CLIP1: variants seen among roughly 807,000 people sequenced by gnomAD.
CLIP1 encodes the protein CAP-Gly domain containing linker protein 1, also known as CAP-Gly domain-containing linker protein 1.
Under a neutral mutation model 161.6 loss-of-function variants are expected in CLIP1, and 66 were observed. The observed-to-expected ratio is 0.41, with a 90% confidence interval of 0.33 to 0.50. The LOEUF (loss-of-function observed/expected upper bound fraction) is 0.50. Ranked by LOEUF, CLIP1 falls within the 20% of genes least tolerant of loss-of-function variation. The pLI, the probability that CLIP1 is intolerant of heterozygous loss-of-function variation, is 0.27. For synonymous variants in CLIP1, 598 were observed against 626.2 expected, an observed-to-expected ratio of 0.96 and a Z score of 0.67; for missense variants, 1,376 against 1,702.0, an observed-to-expected ratio of 0.81 and a Z score of 3.37.
chr12:122,399,841 C>T (rs1243411420), intron 1 of CLIP1: 4 of 152,112 alleles, frequency 2.6e-5, no homozygotes, highest in Non-Finnish European at 5.9e-5. Context: ...TGCTGTATGT[C>T]CATGAACTTA....
chr12:122,404,161 C>A (rs927784424), intron 1 of CLIP1, among the ~76,000 whole-genome samples: 3 of 152,156 alleles, frequency 2.0e-5, no homozygotes, highest in African/African-American at 7.2e-5. Flanking sequence ...TGTGTGACGC[C>A]ACCAAACACA....
Position 122,321,402 on chromosome 12 carries a change from C to T in CLIP1, c.3250-2054G>A, listed in dbSNP as rs147232696. Reference sequence around the variant, plus strand: ...CTGGGATTATAAGCGCACGCCACCACGCCTGGCGAATTTTTGTATTTTTAG... The same window carrying T: ...CTGGGATTATAAGCGCACGCCACCATGCCTGGCGAATTTTTGTATTTTTAG... On this transcript the variant is annotated intron_variant, in intron 17 of 25. Transcript: ENST00000620786. 7.1e-3 allele frequency among the ~76,000 whole-genome samples: 1,080 copies of T among 152,006 alleles called. 9 individuals are homozygous for T. Among genetic ancestry groups the T allele is most frequent in the African/African-American group, 0.025 (1,024 of 41,456 alleles).
chr12:122,392,237 C>G (rs1171227733), intron 1 of CLIP1, among the ~76,000 whole-genome samples: 1 of 152,146 alleles, frequency 6.6e-6, no homozygotes, highest in Non-Finnish European at 1.5e-5. Flanking sequence ...CACGACTGCA[C>G]TCCAGCCTGG....
intron 21 of CLIP1, among the ~76,000 whole-genome samples, chr12:122,286,256 C>T (rs1368442101): frequency 2.0e-5 from 3 of 152,012 alleles, no homozygotes; most frequent in African/African-American, 7.2e-5. Flanking sequence ...CAGTGGCTCA[C>T]GACTGTAATC....
intron 21 of CLIP1, among the ~76,000 whole-genome samples, chr12:122,281,077 T>C (rs1955625902): frequency 6.6e-6 from 1 of 152,232 alleles, no homozygotes; most frequent in East Asian, 1.9e-4. Context: ...TCATGACTTA[T>C]GGCAAATTGA....
At chr12:122,315,710 G>GATCTC in intron 19 of CLIP1, among the ~76,000 whole-genome samples, 1 of 149,386 alleles carries the variant, frequency 6.7e-6, no homozygotes, top group South Asian at 2.1e-4. Flanking sequence ...GCTCGATCTC[G>GATCTC]GCTCACTGCA....
intron 1 of CLIP1, among the ~76,000 whole-genome samples, chr12:122,412,528 G>T (rs1230080617): frequency 1.3e-5 from 2 of 151,986 alleles, no homozygotes; most frequent in Non-Finnish European, 2.9e-5. Context: ...GGTGGCACGT[G>T]TTTGTAATCT....
In CLIP1 at chr12:122,341,634, G is replaced by C. The variant is rs1952501191; in HGVS notation, c.1570C>G (p.Gln524Glu). ...CTTCTTCGGAGCTCAGCTACTTCCT[G>C]TACTCTCAATGCTAGGTCTTTCTCC... Reference protein sequence around the residue: ...ELEKDLALRVQEVAELRRRLE... With the variant: ...ELEKDLALRVEEVAELRRRLE... Residue 524 changes from glutamine (Q) to glutamate (E), a missense_variant, in exon 11 of 26, where the codon CAG becomes GAG. Gln to Glu is a conservative substitution (Grantham distance 29). Coordinates refer to ENST00000620786, the MANE Select transcript of CLIP1 (RefSeq NM_001247997.2). 1 of 1,612,288 alleles carries C rather than the reference G, an allele frequency of 6.2e-7. No individual in the cohort carries two copies. The highest frequency in any genetic ancestry group is 8.5e-7 in the Non-Finnish European group (1 of 1,179,898).
intron 18 of CLIP1, among the ~76,000 whole-genome samples, chr12:122,318,728 CAGA>C (rs1047809930): frequency 9.9e-5 from 15 of 152,186 alleles, no homozygotes; most frequent in Admixed American, 9.8e-4. Context: ...AGAAATGCCA[CAGA>C]AGGAGAAATG....
intron 1 of CLIP1, among the ~76,000 whole-genome samples, chr12:122,410,357 C>T (rs989969568): frequency 1.3e-5 from 2 of 151,558 alleles, no homozygotes; most frequent in Admixed American, 6.6e-5. Flanking sequence ...CATTTTCATT[C>T]GAAATGGTAA....
intron 2 of CLIP1, among the ~76,000 whole-genome samples, chr12:122,379,530 ACCACTGCCCTCCAGCCTGGGCGACAG>A (rs1004929609): frequency 4.0e-5 from 6 of 151,852 alleles, no homozygotes; most frequent in Non-Finnish European, 8.8e-5. Flanking sequence ...CCATGACAGT[ACCACTGCCCTCCAGCCTGGGCGACAG>A]AGTGAAACCT....
At chr12:122,410,030 C>T (rs958347196) in intron 1 of CLIP1, among the ~76,000 whole-genome samples, 1 of 151,732 alleles carries the variant, frequency 6.6e-6, no homozygotes, top group Non-Finnish European at 1.5e-5. Flanking sequence ...GTCACCATGC[C>T]TGGCTAATTT....
chr12:122,293,230 T>C (rs1191906596), intron 20 of CLIP1, among the ~76,000 whole-genome samples: 2 of 152,084 alleles, frequency 1.3e-5, no homozygotes, highest in Non-Finnish European at 2.9e-5. Flanking sequence ...CAGGAAATGA[T>C]ACTCAGCATC....
chr12:122,290,866 TA>T (rs200307026), intron 20 of CLIP1, among the ~76,000 whole-genome samples: 1,574 of 150,830 alleles, frequency 0.01, 9 homozygotes, highest in Admixed American at 0.016. Flanking sequence ...TTCTTTTTTT[TA>T]TTTTTTTTTA....
intron 1 of CLIP1, among the ~76,000 whole-genome samples, chr12:122,420,117 G>A (rs1334651234): frequency 1.3e-5 from 2 of 151,698 alleles, no homozygotes; most frequent in African/African-American, 2.4e-5. Context: ...TGAGGCAGGC[G>A]GATCACCTGA....
At chr12:122,398,933 CCA>C (rs1309063644) in intron 1 of CLIP1, among the ~76,000 whole-genome samples, 2 of 106,912 alleles carry the variant, frequency 1.9e-5, no homozygotes, top group Admixed American at 1.2e-4. Context: ...TTCCTCCTGA[CCA>C]GATATCCAAA....
At chr12:122,351,067 T>G (rs1202102977) in intron 9 of CLIP1, 44 bp downstream of exon 9, 1 of 1,425,458 alleles carries the variant, frequency 7.0e-7, no homozygotes, top group Non-Finnish European at 9.6e-7. Flanking sequence ...GTGATCAATC[T>G]TTGTTAACAA....
chr12:122,333,135 C>T lies in CLIP1; in HGVS notation c.2719G>A (p.Ala907Thr), dbSNP rs1215960665. The T allele has an allele frequency of 6.2e-7, 1 of 1,610,656 alleles. No homozygotes were observed. Among genetic ancestry groups the T allele is most frequent in the Non-Finnish European group, 8.5e-7 (1 of 1,178,466 alleles). ...CTCTCATCTTTCTCTCTAAATTTTG[C>T]CTCCATATCTAAATATATAGAGAAA... ...KLRENLADME[A>T]KFREKDEREE... is the part of the protein sequence containing the mutation. Residue 907 changes from alanine (A) to threonine (T), a missense_variant, in exon 15 of 26, where the codon GCA becomes ACA. Ala to Thr is a moderately conservative substitution (Grantham distance 58). Coordinates refer to ENST00000620786, the MANE Select transcript of CLIP1 (RefSeq NM_001247997.2).
At chr12:122,328,663 C>T (rs910046669) in intron 15 of CLIP1, among the ~76,000 whole-genome samples, 1 of 152,176 alleles carries the variant, frequency 6.6e-6, no homozygotes, top group African/African-American at 2.4e-5. Flanking sequence ...CCGCTCACTG[C>T]AAGCTCCGCC....
Sources: allele counts gnomAD v4.1 joint callset (sites outside exome capture counted in the v4.1 genomes callset), GRCh38; gene constraint gnomAD v4.1.1; transcripts MANE v1.5; gene names NCBI Gene and HGNC (gene_info 2026-07-23, HGNC 2026-07-21).